NF1: variants seen among roughly 807,000 people sequenced by gnomAD.
NF1 encodes neurofibromin.
Under a neutral mutation model 325.7 loss-of-function variants are expected in NF1, and 122 were observed. That is an observed-to-expected ratio of 0.37 (90% CI 0.32 to 0.44). The LOEUF is 0.44. NF1 is among the 20% of genes least tolerant of loss of function. The pLI, the probability that NF1 is intolerant of heterozygous loss-of-function variation, is 1.00. For synonymous variants in NF1, 1,091 were observed against 1,186.0 expected (o/e 0.92, Z 1.65); for missense variants, 2,140 against 3,415.4 (o/e 0.63, Z 9.31).
At chr17:31,152,194 A>G (rs1916992712) in intron 1 of NF1, among the ~76,000 whole-genome samples, 1 of 151,822 alleles carries the variant, frequency 6.6e-6, no homozygotes, top group South Asian at 2.1e-4. Flanking sequence ...TTGTATAAAT[A>G]ATGTCCTCTT....
intron 57 of NF1, chr17:31,367,231 T>C (rs1363218492): frequency 7.6e-7 from 1 of 1,311,426 alleles, no homozygotes; most frequent in African/African-American, 1.5e-5. Context: ...AAAGCTTCTC[T>C]GCCTTGCTCT....
Position 31,201,486 on chromosome 17 carries a change from G to A in NF1, c.1260+1G>A, listed in dbSNP as rs267606603. ...TTCACTCCATCGAATCATCACCAAT[G>A]TAAGTCCAAAAGGTATTGCTAAATT... On this transcript the variant is annotated splice_donor_variant, in intron 11 of 57. Transcript: ENST00000358273. LOFTEE classifies it high-confidence loss of function. The A allele has an allele frequency of 6.2e-7, 1 of 1,608,452 alleles. No homozygotes were observed. The highest frequency in any genetic ancestry group is 1.7e-5 in the Admixed American group (1 of 59,842).
intron 39 of NF1, among the ~76,000 whole-genome samples, chr17:31,333,059 T>C (rs1597837843): frequency 6.6e-6 from 1 of 152,054 alleles, no homozygotes; most frequent in East Asian, 1.9e-4. Context: ...GAGGCCCCCA[T>C]CTCAAAAAGA....
At chr17:31,206,443 C>G (rs2066625262) in intron 12 of NF1, 72 bp downstream of exon 12, 1 of 1,577,638 alleles carries the variant, frequency 6.3e-7, no homozygotes, top group Non-Finnish European at 8.7e-7. Context: ...TATCCTATTC[C>G]TGCTGCTTTG....
At position 31,229,911 on chromosome 17, in the gene NF1, C is replaced by G. The variant is rs755404523; in HGVS notation, c.2927C>G (p.Thr976Ser). The change falls in exon 22 of 58, where the codon ACT becomes AGT. Residue 976 changes from threonine (T) to serine (S), a missense_variant. Around this residue, in one of 10 missense-constraint regions of NF1, gnomAD observed 380 missense variants for 639.3 expected, o/e 0.59. Transcript: ENST00000358273. ...ATGAAGAACTTGCTAGATAATCATA[C>G]TGAAGGCAGCTCTGAACATCTAGGG... is the stretch of plus-strand genomic sequence containing the variant. ...AIMKNLLDNH[T>S]EGSSEHLGQA... is the part of the protein sequence containing the mutation. 1 of 1,611,654 alleles carries G rather than the reference C, an allele frequency of 6.2e-7. No homozygotes were observed. Among genetic ancestry groups the G allele is most frequent in the African/African-American group, 1.3e-5 (1 of 74,824 alleles).
chr17:31,180,540 C>T (rs1212506416), intron 5 of NF1, among the ~76,000 whole-genome samples: 1 of 152,192 alleles, frequency 6.6e-6, no homozygotes, highest in African/African-American at 2.4e-5. Context: ...TGATGAAATT[C>T]AACAGCCCTT....
intron 30 of NF1, 54 bp downstream of exon 30, chr17:31,249,173 A>T: frequency 1.9e-6 from 3 of 1,586,468 alleles, no homozygotes; most frequent in Non-Finnish European, 2.6e-6. Flanking sequence ...ATTATGAAGA[A>T]TGCTTTATCA....
At chr17:31,151,435 A>G (rs369641388) in intron 1 of NF1, among the ~76,000 whole-genome samples, 23 of 152,322 alleles carry the variant, frequency 1.5e-4, no homozygotes, top group East Asian at 9.6e-4. Flanking sequence ...CATATTCTCT[A>G]GTATATCCTC....
intron 15 of NF1, among the ~76,000 whole-genome samples, chr17:31,223,053 A>C (rs922320839): frequency 1.3e-5 from 2 of 152,210 alleles, no homozygotes; most frequent in Admixed American, 6.5e-5. Flanking sequence ...TTACAATAGC[A>C]AGTGATAGGC....
chr17:31,284,778 C>G (rs560812337), intron 36 of NF1, among the ~76,000 whole-genome samples: 1 of 152,210 alleles, frequency 6.6e-6, no homozygotes, highest in African/African-American at 2.4e-5. Flanking sequence ...GTGTATAATC[C>G]TCAAAGGAAA....
At position 31,201,128 on chromosome 17, in the gene NF1, G is replaced by A. The variant is rs1350329837; in HGVS notation, c.1154G>A (p.Arg385His). 5 of 1,614,066 alleles carry A rather than the reference G, an allele frequency of 3.1e-6. No homozygotes were observed. Among genetic ancestry groups the A allele is most frequent in the Non-Finnish European group, 4.2e-6 (5 of 1,179,990 alleles). The change falls in exon 10 of 58, where the codon CGT becomes CAT. Residue 385 changes from arginine to histidine, a missense_variant. By Grantham distance (29) the Arg-to-His change is conservative (BLOSUM62 0). Around this residue, in one of 10 missense-constraint regions of NF1, gnomAD observed 179 missense variants for 381.0 expected, o/e 0.47. Transcript: ENST00000358273. ...ATTGACTGCCTTGTTTCTTGCTTTC[G>A]TATAAGCCCTCACAACAACCAACAC... Reference protein sequence around the residue: ...LMIDCLVSCFRISPHNNQHFK... With the variant: ...LMIDCLVSCFHISPHNNQHFK...
At chr17:31,172,771 G>A (rs1405210111) in intron 5 of NF1, among the ~76,000 whole-genome samples, 1 of 152,012 alleles carries the variant, frequency 6.6e-6, no homozygotes, top group Non-Finnish European at 1.5e-5. Context: ...GTGGCCCTGG[G>A]AAGTGATAGA....
chr17:31,159,346 C>G (rs1403942844), intron 3 of NF1, among the ~76,000 whole-genome samples: 1 of 152,138 alleles, frequency 6.6e-6, no homozygotes, highest in Non-Finnish European at 1.5e-5. Context: ...GTATCTGTCT[C>G]TCAGGTTTTT....
At chr17:31,097,888 G>A (rs1043301555) in intron 1 of NF1, among the ~76,000 whole-genome samples, 2 of 151,870 alleles carry the variant, frequency 1.3e-5, no homozygotes, top group Non-Finnish European at 2.9e-5. Context: ...GTAGAGACGG[G>A]GGTTTCACCA....
rs762733352 is a variant in NF1, at chr17:31,337,913, T to C, written c.6704+33T>C. On this transcript the variant is annotated intron_variant, in intron 44 of 57. Coordinates refer to ENST00000358273, the MANE Select transcript of NF1 (RefSeq NM_001042492.3). ...CTAAATTAAATATAAGTTGTAAAAA[T>C]ATGCATATTGTTGAAAATACAGCTA... is the stretch of plus-strand genomic sequence containing the variant. The C allele has an allele frequency of 3.1e-6, 5 of 1,594,676 alleles. No individual in the cohort carries two copies. In the South Asian group the frequency reaches 5.5e-5, roughly 18 times the overall value.
chr17:31,244,308 C>G (rs9896041), intron 29 of NF1, among the ~76,000 whole-genome samples: 68,570 of 152,004 alleles, frequency 0.45, 18,615 homozygotes, highest in African/African-American at 0.76. Context: ...GTAAGCATTC[C>G]CTTGGTTGCC....
chr17:31,338,598 C>A, intron 45 of NF1, 106 bp from the exon 46 acceptor site: 1 of 761,984 alleles, frequency 1.3e-6, no homozygotes, highest in Non-Finnish European at 2.3e-6. Context: ...ATCATTCTAG[C>A]ATTTATTAAA....
intron 36 of NF1, among the ~76,000 whole-genome samples, chr17:31,282,165 G>A (rs1322244384): frequency 3.3e-5 from 5 of 151,870 alleles, no homozygotes; most frequent in African/African-American, 7.3e-5. Context: ...GGTGAATCCC[G>A]AGGTCAGGAG....
At chr17:31,173,902 G>A (rs989070807) in intron 5 of NF1, among the ~76,000 whole-genome samples, 7 of 152,194 alleles carry the variant, frequency 4.6e-5, no homozygotes, top group African/African-American at 1.4e-4. Context: ...TGTTGCTAAA[G>A]AGCACTGTGA....
Sources: gnomAD v4.1 joint callset for allele counts (sites outside exome capture counted in the v4.1 genomes callset) on GRCh38, gnomAD v4.1.1 for gene constraint, gnomAD v4.1.1 regional missense constraint, MANE v1.5 for transcripts, NCBI Gene and HGNC (gene_info 2026-07-23, HGNC 2026-07-21) for gene names.